The following ASMTL variants were observed in gnomAD, a reference collection of about 807,000 sequenced individuals.
ASMTL encodes the protein probable bifunctional dTTP/UTP pyrophosphatase/methyltransferase protein.
Under a neutral mutation model 60.3 loss-of-function variants are expected in ASMTL, and 57 were observed. That is an observed-to-expected ratio of 0.95 (90% confidence interval 0.76 to 1.18). The LOEUF (loss-of-function observed/expected upper bound fraction) is 1.18, where lower values mean the gene tolerates loss of function less well. ASMTL is among the 50% of genes most tolerant of loss of function. ASMTL has a pLI of 0.00. For missense variants in ASMTL, 981 were observed against 852.6 expected, an observed-to-expected ratio of 1.15 and a Z score of -1.88; for synonymous variants, 419 against 373.0, an observed-to-expected ratio of 1.12 and a Z score of -1.42.
At chrX:1,404,761 A>G (rs189235261) in intron 12 of ASMTL, among the ~76,000 whole-genome samples, 8 of 139,554 alleles carry the variant, frequency 5.7e-5, no homozygotes, top group Admixed American at 1.4e-4. Flanking sequence ...TACATGATGG[A>G]CAGGTAGATA....
chrX:1,430,182 T>G (rs1279936870), intron 6 of ASMTL, among the ~76,000 whole-genome samples: 1 of 151,996 alleles, frequency 6.6e-6, no homozygotes, highest in Non-Finnish European at 1.5e-5. Flanking sequence ...ACCGGGCTAA[T>G]TTTTGTATTT....
intron 9 of ASMTL, among the ~76,000 whole-genome samples, chrX:1,419,556 G>C (rs1211616264): frequency 2.6e-5 from 4 of 151,842 alleles, no homozygotes; most frequent in African/African-American, 9.7e-5. Flanking sequence ...CGAGAATTCT[G>C]GTGTGCAGAG....
chrX:1,438,527 T>A (rs2091031638), intron 3 of ASMTL, among the ~76,000 whole-genome samples: 1 of 152,178 alleles, frequency 6.6e-6, no homozygotes, highest in Admixed American at 6.5e-5. Flanking sequence ...TTCCTGTGCC[T>A]TTTGAGACGG....
chrX:1,428,890 T>C (rs2090693474), intron 6 of ASMTL, among the ~76,000 whole-genome samples: 1 of 136,760 alleles, frequency 7.3e-6, no homozygotes, highest in Non-Finnish European at 1.6e-5. Flanking sequence ...TGTCTCACTT[T>C]TTTATTTTTT....
intron 2 of ASMTL, among the ~76,000 whole-genome samples, chrX:1,439,826 A>G (rs1398458130): frequency 6.7e-6 from 1 of 148,268 alleles, no homozygotes; most frequent in African/African-American, 2.5e-5. Flanking sequence ...ACAGAGTGAG[A>G]CTCAGTCTCC....
chrX:1,438,440 TCTC>T (rs1200598988), intron 3 of ASMTL, among the ~76,000 whole-genome samples: 2 of 152,236 alleles, frequency 1.3e-5, no homozygotes, highest in South Asian at 2.1e-4. Flanking sequence ...AAGACCAACT[TCTC>T]CTCAGTACCT....
intron 7 of ASMTL, among the ~76,000 whole-genome samples, chrX:1,426,849 A>G (rs773571003): frequency 6.6e-6 from 1 of 152,050 alleles, no homozygotes; most frequent in African/African-American, 2.4e-5. Flanking sequence ...TCAGGCTATG[A>G]ACAGATCTTT....
intron 2 of ASMTL, 101 bp from the exon 3 acceptor site, chrX:1,439,245 GC>G: frequency 7.9e-7 from 1 of 1,260,098 alleles, no homozygotes; most frequent in Non-Finnish European, 1.1e-6. Flanking sequence ...CAGGGGCGAA[GC>G]CAGGCCGACT....
At chrX:1,437,272 C>T (rs1434122666) in intron 3 of ASMTL, among the ~76,000 whole-genome samples, 2 of 151,660 alleles carry the variant, frequency 1.3e-5, no homozygotes, top group African/African-American at 4.8e-5. Flanking sequence ...CAGGGTCATC[C>T]CTCTGTGTGT....
At chrX:1,447,286 A>G (rs1373183026) in intron 1 of ASMTL, among the ~76,000 whole-genome samples, 1 of 152,232 alleles carries the variant, frequency 6.6e-6, no homozygotes, top group Non-Finnish European at 1.5e-5. Context: ...ACACACTGCC[A>G]TCTTGGACCC....
intron 11 of ASMTL, among the ~76,000 whole-genome samples, chrX:1,416,377 A>G (rs2090262629): frequency 1.5e-5 from 1 of 65,084 alleles, no homozygotes; most frequent in Non-Finnish European, 4.5e-5. Flanking sequence ...GCAGACATGC[A>G]CAGATGGGCA....
At position 1,416,043 on chromosome X, in the gene ASMTL, AG is replaced by A. The variant is rs1253734539; in HGVS notation, c.1522+1929del. Among the ~76,000 whole-genome samples the A allele has an allele frequency of 4.6e-3, 80 of 17,314 alleles. 1 individual carries two copies. Among genetic ancestry groups the A allele is most frequent in the African/African-American group, 5.5e-3 (75 of 13,528 alleles). The allele number at this position is 17,314 out of a possible 152,430, so 11.4% of individuals were successfully genotyped here. On this transcript the variant is annotated intron_variant, in intron 11 of 12. Transcript: ENST00000381317. The stretch of plus-strand genomic sequence containing the variant: ...CACACACGGACACAGATACAGTGAC[AG>A]GCACACGCGCACAGAGACAGACATG...
chrX:1,434,121 A>T (rs1483785917), intron 5 of ASMTL, among the ~76,000 whole-genome samples: 17 of 152,132 alleles, frequency 1.1e-4, no homozygotes, highest in African/African-American at 3.1e-4. Context: ...GGTGTCCGCC[A>T]ACAAGCTGGG....
intron 1 of ASMTL, among the ~76,000 whole-genome samples, chrX:1,450,157 C>G (rs184421702): frequency 1.3e-5 from 2 of 151,938 alleles, no homozygotes; most frequent in Admixed American, 1.3e-4. Flanking sequence ...TATAACTATC[C>G]GCCTGTCACC....
At chrX:1,412,569 G>C (rs1261255518) in intron 12 of ASMTL, 163 bp downstream of exon 12, 15 of 351,580 alleles carry the variant, frequency 4.3e-5, no homozygotes, top group Admixed American at 6.5e-5. Context: ...CACCACGTTG[G>C]CCAGGCTGGT....
At chrX:1,423,199 G>T (rs1384500495) in intron 8 of ASMTL, among the ~76,000 whole-genome samples, 1 of 152,162 alleles carries the variant, frequency 6.6e-6, no homozygotes, top group Non-Finnish European at 1.5e-5. Flanking sequence ...TGATCTGCCT[G>T]CCTTGGCCTC....
chrX:1,450,370 A>G (rs145863369), intron 1 of ASMTL, among the ~76,000 whole-genome samples: 2,521 of 151,938 alleles, frequency 0.017, 48 homozygotes, highest in Admixed American at 0.064. Context: ...CTCCATCCCT[A>G]GAAGTCCTGA....
At chrX:1,413,419 G>T (rs1158434502) in intron 11 of ASMTL, among the ~76,000 whole-genome samples, 2 of 152,198 alleles carry the variant, frequency 1.3e-5, no homozygotes, top group Non-Finnish European at 2.9e-5. Context: ...GGCGCACATG[G>T]GCGTGTGCCA....
intron 11 of ASMTL, among the ~76,000 whole-genome samples, chrX:1,416,262 GAC>G (rs765969318): frequency 1.2e-3 from 162 of 137,306 alleles, no homozygotes; most frequent in African/African-American, 3.8e-3. Flanking sequence ...GACACGCACG[GAC>G]ACACAGATAC....
Sources: gnomAD v4.1 joint callset for allele counts (sites outside exome capture counted in the v4.1 genomes callset) on GRCh38, gnomAD v4.1.1 for gene constraint, MANE v1.5 for transcripts, NCBI Gene and HGNC (gene_info 2026-07-23, HGNC 2026-07-21) for gene names.